The following SLC17A1 variants were observed in gnomAD, a reference collection of about 807,000 sequenced individuals.
The protein encoded by SLC17A1 is solute carrier family 17 member 1, also known as sodium-dependent phosphate transport protein 1.
Under a neutral mutation model 53.5 loss-of-function variants are expected in SLC17A1, and 51 were observed. The ratio of observed to expected loss-of-function variants is 0.95; its 90% CI spans 0.76 to 1.20. The LOEUF is 1.20. SLC17A1 is among the 50% of genes most tolerant of loss of function. SLC17A1 has a pLI of 0.00. For synonymous variants in SLC17A1, 179 were observed against 198.8 expected, an observed-to-expected ratio of 0.90 and a Z score of 0.84; for missense variants, 538 against 568.2, an observed-to-expected ratio of 0.95 and a Z score of 0.54.
intron 3 of SLC17A1, among the ~76,000 whole-genome samples, chr6:25,823,079 T>G (rs1195827234): frequency 2.0e-5 from 3 of 152,154 alleles, no homozygotes; most frequent in Non-Finnish European, 4.4e-5. Flanking sequence ...GTCTAGCTTA[T>G]TTCACTTGGC....
chr6:25,830,662 A>C, intron 1 of SLC17A1, 55 bp from the exon 2 acceptor site: 1 of 1,212,624 alleles, frequency 8.2e-7, no homozygotes, highest in Admixed American at 1.7e-5. Flanking sequence ...AACTGACCAA[A>C]CACTACCCAG....
chr6:25,732,879 GAAACAAAAACAA>G, the SLC17A1 span: 4 of 216,256 alleles, frequency 1.8e-5, no homozygotes, highest in Non-Finnish European at 2.7e-5. Context: ...ATGTCTAGAA[GAAACAAAAACAA>G]AAACAAAAAC....
At chr6:25,753,991 C>T in the SLC17A1 span, among the ~76,000 whole-genome samples, 4 of 152,026 alleles carry the variant, frequency 2.6e-5, no homozygotes, top group Non-Finnish European at 4.4e-5. Context: ...CAATGAGACA[C>T]GAGGAAAATC....
chr6:25,749,424 C>T, the SLC17A1 span, among the ~76,000 whole-genome samples: 1 of 152,166 alleles, frequency 6.6e-6, no homozygotes, highest in African/African-American at 2.4e-5. Flanking sequence ...TTTCTTATGT[C>T]TTCCTTTTCT....
chr6:25,783,367 A>G (rs948053125), intron 12 of SLC17A1, 149 bp from the exon 13 acceptor site: 2 of 152,216 alleles, frequency 1.3e-5, no homozygotes, highest in African/African-American at 4.8e-5. Flanking sequence ...TGCCTCAGTG[A>G]TAGGTGATCC....
At chr6:25,790,685 A>C (rs1216210015) in intron 12 of SLC17A1, among the ~76,000 whole-genome samples, 1 of 152,186 alleles carries the variant, frequency 6.6e-6, no homozygotes, top group Non-Finnish European at 1.5e-5. Context: ...TTTGATTTTC[A>C]ATCTAAAAAA....
At chr6:25,749,046 C>G in the SLC17A1 span, among the ~76,000 whole-genome samples, 18,071 of 152,234 alleles carry the variant, frequency 0.12, 1,131 homozygotes, top group Middle Eastern at 0.22. Context: ...TACTAATCCT[C>G]CTCAGCACAG....
At chr6:25,799,199 T>C (rs954362816) in intron 11 of SLC17A1, among the ~76,000 whole-genome samples, 2 of 152,216 alleles carry the variant, frequency 1.3e-5, no homozygotes, top group African/African-American at 4.8e-5. Flanking sequence ...TGATCTATTA[T>C]TTTGAAGTTT....
the SLC17A1 span, among the ~76,000 whole-genome samples, chr6:25,763,444 G>A: frequency 6.6e-6 from 1 of 152,208 alleles, no homozygotes; most frequent in Non-Finnish European, 1.5e-5. Flanking sequence ...TGCTTTGTCA[G>A]TTGGTGTCCA....
At chr6:25,809,211 A>G (rs1483998016) in intron 10 of SLC17A1, among the ~76,000 whole-genome samples, 3 of 152,064 alleles carry the variant, frequency 2.0e-5, no homozygotes, top group Non-Finnish European at 4.4e-5. Context: ...ATACACATGG[A>G]CAGAGTGTAG....
At chr6:25,732,582 T>C in the SLC17A1 span, 1 of 839,264 alleles carries the variant, frequency 1.2e-6, no homozygotes, top group Non-Finnish European at 1.9e-6. Flanking sequence ...CACGCTAGCG[T>C]ACCTGCCGGC....
chr6:25,770,687 T>C, the SLC17A1 span, among the ~76,000 whole-genome samples: 2 of 152,194 alleles, frequency 1.3e-5, no homozygotes, highest in African/African-American at 4.8e-5. Context: ...TTTCATCTTA[T>C]CCTCAAAATA....
chr6:25,736,984 T>C, the SLC17A1 span, among the ~76,000 whole-genome samples: 1 of 152,210 alleles, frequency 6.6e-6, no homozygotes, highest in Admixed American at 6.5e-5. Flanking sequence ...CAAACCGCCC[T>C]TGGTTATTTC....
chr6:25,824,033 A>C (rs1355229587), intron 3 of SLC17A1, among the ~76,000 whole-genome samples: 1 of 152,026 alleles, frequency 6.6e-6, no homozygotes, highest in East Asian at 1.9e-4. Context: ...GGCTGAAAAA[A>C]ATTGTACATC....
the SLC17A1 span, among the ~76,000 whole-genome samples, chr6:25,743,396 T>A: frequency 6.6e-6 from 1 of 152,214 alleles, no homozygotes; most frequent in East Asian, 1.9e-4. Context: ...ACATTCTTTA[T>A]GAGATGCCTT....
chr6:25,793,821 A>G (rs527605337), intron 12 of SLC17A1, among the ~76,000 whole-genome samples: 1 of 152,214 alleles, frequency 6.6e-6, no homozygotes, highest in South Asian at 2.1e-4. Context: ...TAGCAGTGGT[A>G]GTACTGAGGA....
At chr6:25,727,453 G>A in the SLC17A1 span, among the ~76,000 whole-genome samples, 95 of 150,574 alleles carry the variant, frequency 6.3e-4, 2 homozygotes, top group East Asian at 0.016. Context: ...GTGCAGTGGC[G>A]GAATCTCGGC....
chr6:25,773,880 T>C, the SLC17A1 span, among the ~76,000 whole-genome samples: 3 of 152,190 alleles, frequency 2.0e-5, no homozygotes, highest in African/African-American at 7.2e-5. Flanking sequence ...ATGATACATA[T>C]GGTTCTAGTT....
the SLC17A1 span, chr6:25,726,402 C>A: frequency 2.5e-6 from 4 of 1,614,210 alleles, no homozygotes; most frequent in Non-Finnish European, 3.4e-6. Flanking sequence ...CCCCTATCCG[C>A]TCTGCATAGT....
Sources: allele counts gnomAD v4.1 joint callset (sites outside exome capture counted in the v4.1 genomes callset), GRCh38; gene constraint gnomAD v4.1.1; transcripts MANE v1.5; gene names NCBI Gene and HGNC (gene_info 2026-07-23, HGNC 2026-07-21).